Variants in HELLS observed in about 807,000 individuals in gnomAD.
HELLS encodes lymphoid-specific helicase.
HELLS carries 32 observed loss-of-function variants against 120.0 expected under a neutral mutation model. That is an observed-to-expected ratio of 0.27 (90% CI 0.20 to 0.36). The LOEUF (loss-of-function observed/expected upper bound fraction) is 0.36. Among genes scored for constraint, HELLS ranks in the 10% least tolerant of loss-of-function variants. The pLI is 1.00. For missense variants in HELLS, 650 were observed against 993.4 expected, an observed-to-expected ratio of 0.65 and a Z score of 4.65; for synonymous variants, 341 against 323.4, an observed-to-expected ratio of 1.05 and a Z score of -0.58.
At chr10:94,591,697 A>G (rs147279285) in intron 15 of HELLS, among the ~76,000 whole-genome samples, 1 of 152,284 alleles carries the variant, frequency 6.6e-6, no homozygotes, top group East Asian at 1.9e-4. Flanking sequence ...TCCCCATTTG[A>G]GAGGCACTGC....
chr10:94,591,063 G>C (rs1321177970), intron 15 of HELLS, among the ~76,000 whole-genome samples: 1 of 152,062 alleles, frequency 6.6e-6, no homozygotes, highest in African/African-American at 2.4e-5. Flanking sequence ...CAAACTTCCT[G>C]GTTTCTCAGG....
intron 11 of HELLS, among the ~76,000 whole-genome samples, chr10:94,582,269 C>T (rs1436390069): frequency 3.9e-5 from 6 of 152,066 alleles, no homozygotes; most frequent in Non-Finnish European, 8.8e-5. Flanking sequence ...TGACTCTGGG[C>T]GCTTTTATTG....
intron 12 of HELLS, among the ~76,000 whole-genome samples, chr10:94,586,653 G>GT (rs1375025800): frequency 4.4e-4 from 67 of 151,962 alleles, no homozygotes; most frequent in Non-Finnish European, 2.9e-5. Flanking sequence ...TAATGGCAGG[G>GT]GTATAAAGAG....
chr10:94,580,152 T>A (rs1844775927), intron 10 of HELLS, among the ~76,000 whole-genome samples: 3 of 51,188 alleles, frequency 5.9e-5, no homozygotes, highest in African/African-American at 1.1e-4. Context: ...TATATATATA[T>A]ATATATATAT....
rs1464886598 is a variant in HELLS, at chr10:94,594,733, T to C, written c.2127T>C (p.His709=). ...QSDLQAQDRC[H]RIGQTKPVVV... is the part of the protein sequence containing the mutation. ...ATCTTCAGGCCCAGGATAGATGTCA[T>C]AGAATTGGTCAGACAAAGCCAGTTG... The change falls in exon 19 of 22, where the codon CAT becomes CAC. Residue 709 remains histidine, a synonymous_variant. Transcript: ENST00000348459. 13 of 1,613,896 alleles carry C rather than the reference T, an allele frequency of 8.1e-6. No individual in the cohort carries two copies. In the East Asian group the frequency reaches 2.5e-4, roughly 30 times the overall value.
In HELLS at chr10:94,585,379, G is replaced by T. The variant is rs200451004; in HGVS notation, c.1326+2320G>T. On this transcript the variant is annotated intron_variant, in intron 12 of 21. Coordinates refer to ENST00000348459, the MANE Select transcript of HELLS (RefSeq NM_018063.5). Reference sequence around the variant, plus strand: ...TTTGTTTTGTTTTTTTTTTTTGTTTGTTTTTGTTTTTTTTTTTGTTTTTTT... The same window carrying T: ...TTTGTTTTGTTTTTTTTTTTTGTTTTTTTTTGTTTTTTTTTTTGTTTTTTT... Among the ~76,000 whole-genome samples the T allele has an allele frequency of 3.5e-3, 316 of 91,422 alleles. 1 individual carries two copies. The highest frequency in any genetic ancestry group is 5.5e-3 in the Middle Eastern group (1 of 182). The allele number at this position is 91,422 out of a possible 152,430, so 60.0% of individuals were successfully genotyped here. A position where few individuals can be genotyped will look rare whatever the true frequency, so the allele number is the denominator to read the frequency against.
chr10:94,601,491 CT>C (rs754580110), intron 21 of HELLS, 36 bp from the exon 22 acceptor site: 1 of 1,064,998 alleles, frequency 9.4e-7, no homozygotes, highest in South Asian at 1.3e-5. Flanking sequence ...TCTTCTTATA[CT>C]TCTAAAATGT....
At chr10:94,604,932 C>A (rs528801645), downstream of HELLS, among the ~76,000 whole-genome samples, 5 of 152,016 alleles carry the variant, frequency 3.3e-5, no homozygotes, top group South Asian at 8.3e-4. Flanking sequence ...CAAATATATC[C>A]CATCACCTCT....
Position 94,562,889 on chromosome 10 carries a change from G to C in HELLS, c.435+13G>C. On this transcript the variant is annotated intron_variant, in intron 6 of 21. Coordinates refer to ENST00000348459, the MANE Select transcript of HELLS (RefSeq NM_018063.5). Reference sequence around the variant, plus strand: ...CATGTCAAAAGAGGTAAAAATAAAAGGGAGAGGGCACCTAACATTTGATGT... The same window carrying C: ...CATGTCAAAAGAGGTAAAAATAAAACGGAGAGGGCACCTAACATTTGATGT... The C allele has an allele frequency of 6.7e-7, 1 of 1,490,330 alleles. No homozygotes were observed. The highest frequency in any genetic ancestry group is 9.2e-7 in the Non-Finnish European group (1 of 1,082,228). The allele number at this position is 1,490,330 out of a possible 1,614,324, so 92.3% of individuals were successfully genotyped here.
chr10:94,601,030 C>T (rs1242785204), intron 21 of HELLS, among the ~76,000 whole-genome samples: 1 of 152,096 alleles, frequency 6.6e-6, no homozygotes, highest in Non-Finnish European at 1.5e-5. Context: ...GATTAGAAAT[C>T]AGTAATACAA....
chr10:94,580,171 A>ACC, intron 10 of HELLS, among the ~76,000 whole-genome samples: 1 of 108,046 alleles, frequency 9.3e-6, no homozygotes, highest in Non-Finnish European at 1.9e-5. Context: ...ATACACACAC[A>ACC]CACACACACA....
chr10:94,563,569 C>T (rs1843655391), intron 6 of HELLS, among the ~76,000 whole-genome samples: 1 of 152,012 alleles, frequency 6.6e-6, no homozygotes, highest in South Asian at 2.1e-4. Context: ...TCACTGCAGC[C>T]TCGACCTCAT....
At chr10:94,574,437 C>A in intron 8 of HELLS, 117 bp from the exon 9 acceptor site, 1 of 819,028 alleles carries the variant, frequency 1.2e-6, no homozygotes, top group Non-Finnish European at 2.0e-6. Context: ...GTGAATATAT[C>A]AGCTTTAACA....
At chr10:94,578,643 G>A (rs1359790102) in intron 10 of HELLS, among the ~76,000 whole-genome samples, 2 of 152,138 alleles carry the variant, frequency 1.3e-5, no homozygotes, top group Non-Finnish European at 2.9e-5. Context: ...GCAGTGAGCC[G>A]AGATCATGCC....
chr10:94,576,619 T>G (rs1844498785), intron 9 of HELLS, 43 bp from the exon 10 acceptor site: 2 of 1,145,802 alleles, frequency 1.7e-6, no homozygotes, highest in African/African-American at 3.1e-5. Context: ...AATATTTACA[T>G]TTTGTTCTTA....
intron 4 of HELLS, among the ~76,000 whole-genome samples, chr10:94,560,565 G>A (rs892136739): frequency 2.6e-5 from 4 of 152,042 alleles, no homozygotes; most frequent in East Asian, 3.9e-4. Flanking sequence ...GCGTGGTGGT[G>A]TGTGCCTGTA....
intron 9 of HELLS, among the ~76,000 whole-genome samples, chr10:94,609,248 C>T (rs1422838672): frequency 2.6e-5 from 4 of 152,032 alleles, no homozygotes; most frequent in African/African-American, 9.7e-5. Flanking sequence ...GTCTCGAACT[C>T]CTGACCTCAG....
intron 2 of HELLS, among the ~76,000 whole-genome samples, chr10:94,553,354 T>C (rs1042402847): frequency 4.0e-5 from 6 of 151,874 alleles, no homozygotes; most frequent in Admixed American, 3.3e-4. Context: ...GTTTAAGCAA[T>C]TCTCCTGCCT....
chr10:94,566,525 T>C (rs182559961), intron 6 of HELLS, among the ~76,000 whole-genome samples: 1 of 152,184 alleles, frequency 6.6e-6, no homozygotes, highest in Non-Finnish European at 1.5e-5. Flanking sequence ...GTCAGGAGTT[T>C]AAGGCTGCCA....
Sources: gnomAD v4.1 joint callset for allele counts (sites outside exome capture counted in the v4.1 genomes callset) on GRCh38, gnomAD v4.1.1 for gene constraint, MANE v1.5 for transcripts, NCBI Gene and HGNC (gene_info 2026-07-23, HGNC 2026-07-21) for gene names.